The following TRPM3 variants were observed in gnomAD, a reference collection of about 807,000 sequenced individuals.
The protein encoded by TRPM3 is long transient receptor potential channel 3.
Under a neutral mutation model 181.2 loss-of-function variants are expected in TRPM3, and 77 were observed. The observed-to-expected ratio is 0.42, with a 90% CI of 0.35 to 0.51. The LOEUF (loss-of-function observed/expected upper bound fraction) is 0.51. TRPM3 is among the 20% of genes least tolerant of loss of function. The probability of loss-of-function intolerance (pLI) is 0.01; values close to 1 mark genes in which losing one functional copy is unlikely to be tolerated. For synonymous variants in TRPM3, 745 were observed against 796.4 expected (o/e 0.94, Z 1.09); for missense variants, 1,759 against 2,196.7 (o/e 0.80, Z 3.98).
At chr9:71,389,646 C>T (rs937973457) in intron 1 of TRPM3, among the ~76,000 whole-genome samples, 1 of 152,058 alleles carries the variant, frequency 6.6e-6, no homozygotes, top group Non-Finnish European at 1.5e-5. Context: ...TGGAATACTA[C>T]TCAGCCATAA....
At chr9:71,439,569 G>A (rs564690284) in intron 1 of TRPM3, among the ~76,000 whole-genome samples, 3 of 152,220 alleles carry the variant, frequency 2.0e-5, no homozygotes, top group South Asian at 4.2e-4. Flanking sequence ...GTCTTAGATC[G>A]GAAGGCCAGC....
intron 1 of TRPM3, among the ~76,000 whole-genome samples, chr9:70,987,075 A>G (rs1481883876): frequency 3.3e-5 from 5 of 152,018 alleles, no homozygotes; most frequent in African/African-American, 1.2e-4. Context: ...AAACATATTC[A>G]GCAGTATAGG....
At chr9:71,002,874 G>A (rs1472929256) in intron 1 of TRPM3, among the ~76,000 whole-genome samples, 2 of 151,946 alleles carry the variant, frequency 1.3e-5, no homozygotes, top group East Asian at 3.9e-4. Flanking sequence ...TCGCAACCAA[G>A]AAATATAATA....
chr9:71,377,403 A>T (rs186814715), intron 1 of TRPM3, among the ~76,000 whole-genome samples: 356 of 152,192 alleles, frequency 2.3e-3, no homozygotes, highest in African/African-American at 8.3e-3. Context: ...TCTTTAAATC[A>T]AATCTCAAGT....
chr9:70,594,321 G>A (rs112890166), intron 21 of TRPM3, among the ~76,000 whole-genome samples: 6 of 152,238 alleles, frequency 3.9e-5, no homozygotes, highest in African/African-American at 1.4e-4. Flanking sequence ...AAGGAGGTCA[G>A]GTTGTGGGGT....
intron 1 of TRPM3, among the ~76,000 whole-genome samples, chr9:71,016,573 T>C (rs2097787047): frequency 6.6e-6 from 1 of 152,196 alleles, no homozygotes; most frequent in African/African-American, 2.4e-5. Context: ...CCATCCATGT[T>C]ATAACATATG....
rs368341262 is a variant in TRPM3, at chr9:71,437,800, G to A, written c.183+8853C>T. ...GGAGACTCACTTGAACCCAGGGGGC[G>A]GGGGTTGCAGTGAGCAGAGATGGCA... On this transcript the variant is annotated intron_variant, in intron 1 of 24. Coordinates refer to the TRPM3 transcript ENST00000357533. Among the ~76,000 whole-genome samples, 56 of 151,200 alleles carry A rather than the reference G, an allele frequency of 3.7e-4. No homozygotes were observed. The East Asian group carries it at 4.1e-3, about 11-fold the overall frequency.
In TRPM3 at chr9:70,530,627, C is replaced by T. The variant is rs575894625; in HGVS notation, c.*5326G>A. ...CTTAGATGACCTGTAGAAACAGTCA[C>T]GTTGCTTTCATTAGCAGTGATGAGT... On this transcript the variant is annotated 3_prime_UTR_variant, in exon 26 of 26. Transcript: ENST00000677713. The T allele has an allele frequency of 6.6e-6, 1 of 152,164 alleles. No homozygotes were observed. The highest frequency in any genetic ancestry group is 6.5e-5 in the Admixed American group (1 of 15,282). The allele number at this position is 152,164 out of a possible 1,614,324, so 9.4% of individuals were successfully genotyped here. A position where few individuals can be genotyped will look rare whatever the true frequency, so the allele number is the denominator to read the frequency against.
At chr9:70,641,304 A>T (rs2058030311) in intron 9 of TRPM3, among the ~76,000 whole-genome samples, 1 of 152,156 alleles carries the variant, frequency 6.6e-6, no homozygotes, top group Non-Finnish European at 1.5e-5. Flanking sequence ...TTGTGCACAC[A>T]CTCAAGTTTG....
rs565621071 is a variant in TRPM3, at chr9:70,689,188, A to G, written c.1273-7610T>C. On this transcript the variant is annotated intron_variant, in intron 8 of 25. Coordinates refer to ENST00000677713, the MANE Select transcript of TRPM3 (RefSeq NM_001366145.2). ...TCAGGGGTCAATCACCCAGTCAAGC[A>G]TTATGGGATAGAAAGTGGGCTGCCT... Among the ~76,000 whole-genome samples, 4 of 152,308 alleles carry G rather than the reference A, an allele frequency of 2.6e-5. No homozygotes were observed. In the East Asian group the frequency reaches 7.7e-4, roughly 29 times the overall value.
In TRPM3 at chr9:71,420,725, GAGAGAGAGAGAA is replaced by G. The variant is rs1565556983; in HGVS notation, c.183+25916_183+25927del. On this transcript the variant is annotated intron_variant, in intron 1 of 24. Coordinates refer to the TRPM3 transcript ENST00000357533. Reference sequence around the variant, plus strand: ...AGAGAGAGAAAGAAAGAGAGAAAGAGAGAGAGAGAGAAAGAGAGAGAAAGAGAGAGAAAGAGA... The same window carrying G: ...AGAGAGAGAAAGAAAGAGAGAAAGAGAGAGAGAGAAAGAGAGAGAAAGAGA... Among the ~76,000 whole-genome samples, 132 of 125,816 alleles carry G rather than the reference GAGAGAGAGAGAA, an allele frequency of 1.0e-3. 2 individuals carry two copies. The highest frequency in any genetic ancestry group is 2.1e-3 in the African/African-American group (72 of 33,742). 82.5% of individuals were successfully genotyped at this position (125,816 alleles called of 152,430 possible). A position where few individuals can be genotyped will look rare whatever the true frequency, so the allele number is the denominator to read the frequency against.
intron 1 of TRPM3, among the ~76,000 whole-genome samples, chr9:70,976,480 C>T (rs982083564): frequency 3.9e-5 from 6 of 152,234 alleles, no homozygotes; most frequent in Admixed American, 6.5e-5. Flanking sequence ...TCAACTATAA[C>T]GTCTAGACAG....
In TRPM3 at chr9:70,590,570, A is replaced by T. The variant is rs377341613; in HGVS notation, c.3223+461T>A. Among the ~76,000 whole-genome samples the T allele has an allele frequency of 1.6e-3, 238 of 152,288 alleles. 1 individual carries two copies. Among genetic ancestry groups the T allele is most frequent in the African/African-American group, 5.4e-3 (224 of 41,546 alleles). On this transcript the variant is annotated intron_variant, in intron 22 of 25. Coordinates refer to ENST00000677713, the MANE Select transcript of TRPM3 (RefSeq NM_001366145.2). ...CCAGTGCAAGAAAAATACCATGCAGATGTTTGCCCTTACTCTTGAATTCTG... is the reference window on the plus strand; with the variant it reads ...CCAGTGCAAGAAAAATACCATGCAGTTGTTTGCCCTTACTCTTGAATTCTG...
At chr9:70,754,623 G>A (rs2076740726) in intron 8 of TRPM3, among the ~76,000 whole-genome samples, 1 of 152,144 alleles carries the variant, frequency 6.6e-6, no homozygotes, top group African/African-American at 2.4e-5. Flanking sequence ...CCATAGTGCA[G>A]GCTTTATTAT....
chr9:71,005,654 AC>A (rs1395007264), intron 1 of TRPM3, among the ~76,000 whole-genome samples: 7 of 152,328 alleles, frequency 4.6e-5, no homozygotes, highest in Admixed American at 2.0e-4. Flanking sequence ...AAAACTGTCA[AC>A]CAAAAATACT....
At chr9:71,201,631 C>T (rs1268634769) in intron 1 of TRPM3, among the ~76,000 whole-genome samples, 2 of 152,194 alleles carry the variant, frequency 1.3e-5, no homozygotes, top group Admixed American at 6.5e-5. Flanking sequence ...ATTTTATCTT[C>T]CATCACTGAT....
At chr9:71,182,195 C>T (rs932821441) in intron 1 of TRPM3, among the ~76,000 whole-genome samples, 7 of 151,980 alleles carry the variant, frequency 4.6e-5, no homozygotes, top group African/African-American at 1.4e-4. Context: ...ACTAGAATTT[C>T]AGAGGTATTT....
intron 1 of TRPM3, among the ~76,000 whole-genome samples, chr9:71,374,623 A>G (rs1027414141): frequency 6.6e-6 from 1 of 152,162 alleles, no homozygotes; most frequent in African/African-American, 2.4e-5. Context: ...AAAGAAATAA[A>G]GGGTGTTCAA....
intron 1 of TRPM3, among the ~76,000 whole-genome samples, chr9:71,282,749 A>G (rs773051569): frequency 1.3e-5 from 2 of 152,204 alleles, no homozygotes; most frequent in Non-Finnish European, 2.9e-5. Flanking sequence ...TCCTCTCCCA[A>G]TGTAAAATAA....
Sources: gnomAD v4.1 joint callset for allele counts (sites outside exome capture counted in the v4.1 genomes callset) on GRCh38, gnomAD v4.1.1 for gene constraint, MANE v1.5 for transcripts, NCBI Gene and HGNC (gene_info 2026-07-23, HGNC 2026-07-21) for gene names.